Variants in SMAD4 observed in about 807,000 individuals in gnomAD.
The protein encoded by SMAD4 is SMAD family member 4.
Under a neutral mutation model 63.2 loss-of-function variants are expected in SMAD4, and 7 were observed. The observed-to-expected ratio is 0.11, with a 90% confidence interval of 0.06 to 0.21. The LOEUF is 0.21. Ranked by LOEUF, SMAD4 falls within the 10% of genes least tolerant of loss-of-function variation. The pLI, the probability that SMAD4 is intolerant of heterozygous loss-of-function variation, is 1.00. For synonymous variants in SMAD4, 215 were observed against 235.4 expected, an observed-to-expected ratio of 0.91 and a Z score of 0.79; for missense variants, 312 against 693.8, an observed-to-expected ratio of 0.45 and a Z score of 6.18.
intron 4 of SMAD4, chr18:51,052,889 C>T (rs1449623425): frequency 6.5e-6 from 1 of 154,268 alleles, no homozygotes; most frequent in Non-Finnish European, 1.5e-5. Flanking sequence ...TCATAGTGTA[C>T]AATAGTGCTT....
At chr18:51,075,580 A>T (rs930350030) in intron 10 of SMAD4, among the ~76,000 whole-genome samples, 6 of 152,218 alleles carry the variant, frequency 3.9e-5, no homozygotes, top group Admixed American at 3.9e-4. Flanking sequence ...CTTTTTAAAA[A>T]TGCAAATAAA....
chr18:51,073,053 G>A (rs976315111), intron 10 of SMAD4, among the ~76,000 whole-genome samples: 1 of 151,900 alleles, frequency 6.6e-6, no homozygotes, highest in South Asian at 2.1e-4. Flanking sequence ...CTATAATTAC[G>A]TAAATAATCT....
intron 8 of SMAD4, among the ~76,000 whole-genome samples, chr18:51,064,898 C>G (rs934147879): frequency 2.4e-4 from 36 of 152,120 alleles, no homozygotes; most frequent in African/African-American, 8.7e-4. Context: ...TGCTTATGCA[C>G]TTTCTCTCAA....
intron 10 of SMAD4, among the ~76,000 whole-genome samples, chr18:51,069,936 G>A (rs1251503528): frequency 6.6e-6 from 1 of 152,052 alleles, no homozygotes; most frequent in Non-Finnish European, 1.5e-5. Context: ...TCTCCACTGT[G>A]GGTTTTATTT....
At chr18:51,035,818 T>C (rs1388142874) in intron 1 of SMAD4, among the ~76,000 whole-genome samples, 1 of 152,192 alleles carries the variant, frequency 6.6e-6, no homozygotes, top group Non-Finnish European at 1.5e-5. Flanking sequence ...TCTCTGTCTC[T>C]GGAAGAGCTA....
chr18:51,052,924 C>T (rs553076929), intron 4 of SMAD4: 1 of 152,850 alleles, frequency 6.5e-6, no homozygotes, highest in East Asian at 1.9e-4. Context: ...ATTCTCTTGG[C>T]AAAAATATAT....
rs2144419909 is a variant in SMAD4 at position 51,055,011 on chromosome 18, A to T, written c.667+18A>T. The T allele has an allele frequency of 6.3e-7, 1 of 1,585,150 alleles. No individual in the cohort carries two copies. The highest frequency in any genetic ancestry group is 8.7e-7 in the Non-Finnish European group (1 of 1,154,458). The stretch of plus-strand genomic sequence containing the variant: ...TTCCACAAGTGAGTTCTAGAATCAG[A>T]TGTAGTCAGCAAGTTGAGTTTTCCT... On this transcript the variant is annotated intron_variant, in intron 5 of 11. Transcript: ENST00000342988.
intron 1 of SMAD4, among the ~76,000 whole-genome samples, chr18:51,045,919 T>C (rs1008933893): frequency 1.3e-5 from 2 of 152,226 alleles, no homozygotes; most frequent in African/African-American, 4.8e-5. Context: ...TTCTTTCACT[T>C]AGCATGTGTT....
Position 51,073,388 on chromosome 18 carries a change from T to TATATATATAC in SMAD4, c.1309-3249_1309-3248insTATATATACA, listed in dbSNP as rs1417299090. ...ATATATATATATATATATATATATA[T>TATATATATAC]ACACACACACACACACACACACACA... On this transcript the variant is annotated intron_variant, in intron 10 of 11. Coordinates refer to ENST00000342988, the MANE Select transcript of SMAD4 (RefSeq NM_005359.6). 3.9e-3 allele frequency among the ~76,000 whole-genome samples: 247 copies of TATATATATAC among 64,142 alleles called. 6 individuals carry two copies. The highest frequency in any genetic ancestry group is 0.02 in the Middle Eastern group (2 of 102). 42.1% of individuals were successfully genotyped at this position (64,142 alleles called of 152,430 possible).
At position 51,079,704 on chromosome 18, in the gene SMAD4, T is replaced by C. The variant is rs1910562282; in HGVS notation, c.*1237T>C. ...TTTAAGTAGAAAAGTTGCAGATGTA[T>C]TGACTGTACCACAGACACAATATGT... On this transcript the variant is annotated 3_prime_UTR_variant, in exon 12 of 12. Coordinates refer to ENST00000342988, the MANE Select transcript of SMAD4 (RefSeq NM_005359.6). 4.3e-6 allele frequency: 1 copy of C among 233,376 alleles called. No individual in the cohort carries two copies. The highest frequency in any genetic ancestry group is 8.5e-6 in the Non-Finnish European group (1 of 117,948). The allele number at this position is 233,376 out of a possible 1,614,324, so 14.5% of individuals were successfully genotyped here. A position where few individuals can be genotyped will look rare whatever the true frequency, so the allele number is the denominator to read the frequency against.
Position 51,080,926 on chromosome 18 carries a change from C to T in SMAD4, c.*2459C>T, listed in dbSNP as rs1461721266. 1 of 192,298 alleles carries T rather than the reference C, an allele frequency of 5.2e-6. No individual in the cohort carries two copies. The highest frequency in any genetic ancestry group is 1.1e-5 in the Non-Finnish European group (1 of 92,248). 11.9% of individuals were successfully genotyped at this position (192,298 alleles called of 1,614,324 possible). The stretch of plus-strand genomic sequence containing the variant: ...GTGAAAAATATTTGTTAAGAAGTAT[C>T]TCTTTGGAGCCAAGCCACCTGTCTT... On this transcript the variant is annotated 3_prime_UTR_variant, in exon 12 of 12. Transcript: ENST00000342988.
At chr18:51,046,372 T>G (rs1210070216) in intron 1 of SMAD4, among the ~76,000 whole-genome samples, 1 of 152,166 alleles carries the variant, frequency 6.6e-6, no homozygotes, top group African/African-American at 2.4e-5. Flanking sequence ...ATCTTTCATG[T>G]GCTTATTGGC....
chr18:51,054,025 A>G lies in SMAD4; in HGVS notation c.455-756A>G, dbSNP rs138662590. 5 of 152,348 alleles carry G rather than the reference A, an allele frequency of 3.3e-5. No homozygotes were observed. In the East Asian group the frequency reaches 9.6e-4, roughly 29 times the overall value. The allele number at this position is 152,348 out of a possible 1,614,324, so 9.4% of individuals were successfully genotyped here. ...TTTTTGTCATACAGCAGAGCTAACT[A>G]TTTCCTGGTTGGTTAATGGAAAGAT... On this transcript the variant is annotated intron_variant, in intron 4 of 11. Transcript: ENST00000342988.
chr18:51,035,283 A>G (rs956886392), intron 1 of SMAD4, among the ~76,000 whole-genome samples: 1 of 152,204 alleles, frequency 6.6e-6, no homozygotes, highest in Non-Finnish European at 1.5e-5. Context: ...TATCATCACT[A>G]TTTTAAATAG....
chr18:51,078,671 G>A lies in SMAD4; in HGVS notation c.*204G>A, dbSNP rs532149207. On this transcript the variant is annotated 3_prime_UTR_variant, in exon 12 of 12. Coordinates refer to ENST00000342988, the MANE Select transcript of SMAD4 (RefSeq NM_005359.6). ...TTCCTCTTCAGAACTTGTCAGGCAT[G>A]GCTCAGAGCTTGAAGATTAGGAGAA... The A allele has an allele frequency of 3.6e-6, 2 of 554,086 alleles. No individual in the cohort carries two copies. Among genetic ancestry groups the A allele is most frequent in the East Asian group, 5.7e-5 (2 of 35,056 alleles). 34.3% of individuals were successfully genotyped at this position (554,086 alleles called of 1,614,324 possible).
rs1910625699 is a variant in SMAD4 at position 51,082,139 on chromosome 18, T to C, written c.*3672T>C. ...GGCAAATTTAGGTTACGGAGGTAAA[T>C]GAGTATATGAAAGCAATTACCTCTA... On this transcript the variant is annotated 3_prime_UTR_variant, in exon 12 of 12. Transcript: ENST00000342988. 2 of 229,996 alleles carry C rather than the reference T, an allele frequency of 8.7e-6. No homozygotes were observed. Among genetic ancestry groups the C allele is most frequent in the South Asian group, 3.6e-4 (2 of 5,508 alleles). 14.2% of individuals were successfully genotyped at this position (229,996 alleles called of 1,614,324 possible). A position where few individuals can be genotyped will look rare whatever the true frequency, so the allele number is the denominator to read the frequency against.
intron 10 of SMAD4, among the ~76,000 whole-genome samples, chr18:51,072,555 A>T (rs1910344862): frequency 6.6e-6 from 1 of 152,132 alleles, no homozygotes; most frequent in South Asian, 2.1e-4. Context: ...TTCATTCTGG[A>T]TTACTGTTTC....
chr18:51,060,930 G>T (rs1222896158), intron 8 of SMAD4, among the ~76,000 whole-genome samples: 1 of 151,800 alleles, frequency 6.6e-6, no homozygotes, highest in Non-Finnish European at 1.5e-5. Flanking sequence ...TCCGAGATGG[G>T]ATCTCGCTAT....
Position 51,046,441 on chromosome 18 carries a change from T to TG in SMAD4, c.-127-479_-127-478insG, listed in dbSNP as rs920547394. Among the ~76,000 whole-genome samples the TG allele has an allele frequency of 3.0e-4, 46 of 151,732 alleles. 1 individual carries two copies. The highest frequency in any genetic ancestry group is 1.0e-3 in the African/African-American group (43 of 41,444). On this transcript the variant is annotated intron_variant, in intron 1 of 11. Coordinates refer to ENST00000342988, the MANE Select transcript of SMAD4 (RefSeq NM_005359.6). ...TTTGTTCATTTCTAAATTGGGGTTT[T>TG]TTTTTTTTTTTAATTGGTCTCTTTT...
Sources: gnomAD v4.1 joint callset for allele counts (sites outside exome capture counted in the v4.1 genomes callset) on GRCh38, gnomAD v4.1.1 for gene constraint, MANE v1.5 for transcripts, NCBI Gene and HGNC (gene_info 2026-07-23, HGNC 2026-07-21) for gene names.